ZNF469: variants seen among roughly 807,000 people sequenced by gnomAD.
ZNF469 encodes zinc finger protein 469.
In ZNF469, 1 loss-of-function variant was observed where a neutral mutation model predicts 1.0. The ratio of observed to expected loss-of-function variants is 1.00; its 90% confidence interval spans 0.35 to 4.73. The LOEUF is 4.73. Ranked by LOEUF, ZNF469 falls within the 30% of genes most tolerant of loss-of-function variation. The pLI is 0.16. For synonymous variants in ZNF469, 2,703 were observed against 2,363.4 expected (o/e 1.14, Z -4.17); for missense variants, 6,100 against 5,356.3 (o/e 1.14, Z -4.33).
At chr16:88,425,069 C>T (rs1005317853) in intron 2 of ZNF469, among the ~76,000 whole-genome samples, 198 bp downstream of exon 2, 6 of 152,160 alleles carry the variant, frequency 3.9e-5, no homozygotes, top group Non-Finnish European at 7.4e-5. Flanking sequence ...AGCCAGCAGG[C>T]GGGCGTGTCA....
the ZNF469 span, among the ~76,000 whole-genome samples, chr16:88,164,144 G>A: frequency 5.3e-5 from 8 of 151,786 alleles, no homozygotes; most frequent in Non-Finnish European, 1.5e-5. Flanking sequence ...ATGGGTGAAT[G>A]GATGGGTAGA....
At chr16:88,231,071 A>T in the ZNF469 span, among the ~76,000 whole-genome samples, 1 of 152,064 alleles carries the variant, frequency 6.6e-6, no homozygotes, top group African/African-American at 2.4e-5. This position sits in a 1 kb window ranked among gnomAD's most constrained non-coding sequence, Gnocchi z 4.5. Flanking sequence ...CCCTCCCCCA[A>T]CACACGCAAG....
At chr16:88,149,860 A>C in the ZNF469 span, among the ~76,000 whole-genome samples, 1 of 152,132 alleles carries the variant, frequency 6.6e-6, no homozygotes, top group African/African-American at 2.4e-5. Flanking sequence ...GTGAACTCCT[A>C]CTTATCCTTC....
chr16:88,250,653 T>C, the ZNF469 span, among the ~76,000 whole-genome samples: 1 of 152,206 alleles, frequency 6.6e-6, no homozygotes, highest in Non-Finnish European at 1.5e-5. Flanking sequence ...TGAAGTTCTA[T>C]TCCTTTCTTT....
the ZNF469 span, among the ~76,000 whole-genome samples, chr16:88,143,564 G>A: frequency 2.0e-3 from 299 of 151,994 alleles, 1 homozygote; most frequent in African/African-American, 6.3e-3. Context: ...ATGGCCATGC[G>A]TCTCCCTGCA....
At chr16:88,140,841 G>C in the ZNF469 span, among the ~76,000 whole-genome samples, 1 of 152,340 alleles carries the variant, frequency 6.6e-6, no homozygotes, top group East Asian at 1.9e-4. Flanking sequence ...GCTGAGGCAG[G>C]AGAGTCGCTT....
In ZNF469 at chr16:88,437,727, C is replaced by A; in HGVS notation, c.10257C>A (p.Ala3419=). ...TGCGCATCATCAAGAAGTCCTTCGCCTGCAGCTCCTGCAACTACACCTTCG... is the reference window on the plus strand; with the variant it reads ...TGCGCATCATCAAGAAGTCCTTCGCATGCAGCTCCTGCAACTACACCTTCG... ...TVMRIIKKSF[A]CSSCNYTFAK... is the part of the protein sequence containing the mutation. The change falls in exon 3 of 3, where the codon GCC becomes GCA. Residue 3419 remains alanine, a synonymous_variant. Coordinates refer to ENST00000565624, the MANE Select transcript of ZNF469 (RefSeq NM_001367624.2). 6 of 1,549,826 alleles carry A rather than the reference C, an allele frequency of 3.9e-6. No homozygotes were observed. The highest frequency in any genetic ancestry group is 5.2e-6 in the Non-Finnish European group (6 of 1,146,618).
At chr16:88,234,295 C>T in the ZNF469 span, among the ~76,000 whole-genome samples, 1 of 152,270 alleles carries the variant, frequency 6.6e-6, no homozygotes, top group Non-Finnish European at 1.5e-5. Context: ...GATTTAAGAA[C>T]TGTCAGCTTC....
chr16:88,278,614 G>A, the ZNF469 span, among the ~76,000 whole-genome samples: 1 of 135,178 alleles, frequency 7.4e-6, no homozygotes, highest in Admixed American at 7.9e-5. Flanking sequence ...CACTCGGTCA[G>A]TACCGTGTAG....
chr16:88,287,107 A>G, the ZNF469 span, among the ~76,000 whole-genome samples: 1 of 152,226 alleles, frequency 6.6e-6, no homozygotes, highest in East Asian at 1.9e-4. Context: ...GGTAGGGTCC[A>G]GGCCATATGC....
the ZNF469 span, among the ~76,000 whole-genome samples, chr16:88,107,028 G>A: frequency 1.4e-3 from 207 of 152,368 alleles, no homozygotes; most frequent in African/African-American, 4.8e-3. Flanking sequence ...CGAGGGTCAC[G>A]AGTTCTGCCT....
intron 1 of ZNF469, among the ~76,000 whole-genome samples, chr16:88,421,146 G>A (rs1905443968): frequency 6.6e-6 from 1 of 151,808 alleles, no homozygotes; most frequent in Non-Finnish European, 1.5e-5. Flanking sequence ...AGCGGCCAGG[G>A]GTGGGGCAGA....
chr16:88,329,197 G>A, the ZNF469 span, among the ~76,000 whole-genome samples: 4 of 152,316 alleles, frequency 2.6e-5, no homozygotes, highest in Non-Finnish European at 5.9e-5. Context: ...TAACACGGCC[G>A]CTGCTGTCCG....
chr16:88,377,947 G>A, the ZNF469 span, among the ~76,000 whole-genome samples: 3 of 152,246 alleles, frequency 2.0e-5, no homozygotes, highest in African/African-American at 7.2e-5. Flanking sequence ...GCAGCACAGG[G>A]GTCACCACAG....
the ZNF469 span, among the ~76,000 whole-genome samples, chr16:88,158,197 G>C: frequency 6.6e-6 from 1 of 151,938 alleles, no homozygotes; most frequent in African/African-American, 2.4e-5. Context: ...CCCACCTTGA[G>C]AACCCTTGTT....
At chr16:88,351,900 A>T in the ZNF469 span, among the ~76,000 whole-genome samples, 19 of 152,212 alleles carry the variant, frequency 1.2e-4, no homozygotes, top group Non-Finnish European at 2.8e-4. Context: ...GTGGGTTTCG[A>T]AACTGGGTCA....
the ZNF469 span, chr16:88,191,439 C>T: frequency 6.6e-6 from 1 of 152,302 alleles, no homozygotes; most frequent in Non-Finnish European, 1.5e-5. Flanking sequence ...AAGGCATCAA[C>T]CACCGCACTG....
the ZNF469 span, among the ~76,000 whole-genome samples, chr16:88,237,492 G>T: frequency 0.011 from 497 of 43,322 alleles, 6 homozygotes; most frequent in Non-Finnish European, 0.02. Flanking sequence ...CTCCTGCCAC[G>T]CACCCTCCCT....
the ZNF469 span, among the ~76,000 whole-genome samples, chr16:88,248,526 C>T: frequency 5.6e-5 from 8 of 143,146 alleles, no homozygotes; most frequent in African/African-American, 2.1e-4. Context: ...AGTGAGACCC[C>T]TGTCTCAAAA....
Sources: gnomAD v4.1 joint callset for allele counts (sites outside exome capture counted in the v4.1 genomes callset) on GRCh38, gnomAD v4.1.1 for gene constraint, Gnocchi (gnomAD v3.1) non-coding constraint, MANE v1.5 for transcripts, NCBI Gene and HGNC (gene_info 2026-07-23, HGNC 2026-07-21) for gene names.